UBE2L3: variants seen among roughly 807,000 people sequenced by gnomAD.
The protein encoded by UBE2L3 is ubiquitin conjugating enzyme E2 L3.
Under a neutral mutation model 17.8 loss-of-function variants are expected in UBE2L3, and 1 was observed. That is an observed-to-expected ratio of 0.06 (90% CI 0.02 to 0.27). UBE2L3 has a LOEUF of 0.27. Among genes scored for constraint, UBE2L3 ranks in the 10% least tolerant of loss-of-function variants. UBE2L3 has a pLI of 1.00. For missense variants in UBE2L3, 40 were observed against 192.6 expected (o/e 0.21, Z 4.69); for synonymous variants, 44 against 68.5 (o/e 0.64, Z 1.76).
chr22:21,607,131 C>T lies in UBE2L3; in HGVS notation c.124-3726C>T, dbSNP rs535233598. On this transcript the variant is annotated intron_variant, in intron 2 of 3. Transcript: ENST00000342192. The stretch of plus-strand genomic sequence containing the variant: ...AGAACTGGCGCACGCCAGCCTTGCT[C>T]CCCAGCAGAGGAGCTCTGTTTACTG... Among the ~76,000 whole-genome samples the T allele has an allele frequency of 1.1e-4, 17 of 152,278 alleles. No homozygotes were observed. The South Asian group carries it at 2.7e-3, about 24-fold the overall frequency.
At chr22:21,609,484 A>ATCTC (rs960949656) in intron 2 of UBE2L3, among the ~76,000 whole-genome samples, 55 of 152,268 alleles carry the variant, frequency 3.6e-4, no homozygotes, top group Middle Eastern at 3.4e-3. Flanking sequence ...AGACAGGCAG[A>ATCTC]TCTCTTGAGC....
chr22:21,567,011 G>C (rs1926662957), upstream of UBE2L3, among the ~76,000 whole-genome samples: 1 of 152,168 alleles, frequency 6.6e-6, no homozygotes, highest in Non-Finnish European at 1.5e-5. Flanking sequence ...AAGGGTTAAA[G>C]AAAATAAAGC....
chr22:21,559,399 A>G (rs926036061), intron 1 of UBE2L3, among the ~76,000 whole-genome samples: 2 of 150,888 alleles, frequency 1.3e-5, no homozygotes, highest in Non-Finnish European at 2.9e-5. Context: ...AAAGTGATGG[A>G]TTACATGAAT....
chr22:21,563,556 G>A (rs868010691), upstream of UBE2L3, among the ~76,000 whole-genome samples: 4 of 137,446 alleles, frequency 2.9e-5, no homozygotes, highest in Non-Finnish European at 4.6e-5. Flanking sequence ...GCGAGACTCC[G>A]TCTCAAAAAA....
In UBE2L3 at chr22:21,572,968, C is replaced by T. The variant is rs545439736; in HGVS notation, c.27+5197C>T. Among the ~76,000 whole-genome samples the T allele has an allele frequency of 3.3e-5, 5 of 152,282 alleles. No homozygotes were observed. In the South Asian group the frequency reaches 1.0e-3, roughly 32 times the overall value. Reference sequence around the variant, plus strand: ...TATGCCTTCAGTCTCTCTTCTCTGCCTGTCTTCTCTCCATCCCCACTCCCA... The same window carrying T: ...TATGCCTTCAGTCTCTCTTCTCTGCTTGTCTTCTCTCCATCCCCACTCCCA... On this transcript the variant is annotated intron_variant, in intron 1 of 3. Transcript: ENST00000342192.
chr22:21,573,143 A>G (rs1289822645), intron 1 of UBE2L3, among the ~76,000 whole-genome samples: 1 of 152,104 alleles, frequency 6.6e-6, no homozygotes, highest in Admixed American at 6.6e-5. Flanking sequence ...GCAGTGCATC[A>G]GAGTAGTGTA....
chr22:21,571,801 G>A lies in UBE2L3; in HGVS notation c.27+4030G>A, dbSNP rs138458739. On this transcript the variant is annotated intron_variant, in intron 1 of 3. Transcript: ENST00000342192. ...GAACCTCTAAAAGTTCATTCCTTGG[G>A]TTTCGTTGTATTAAGCAGTGAGGTA... Among the ~76,000 whole-genome samples, 303 of 152,260 alleles carry A rather than the reference G, an allele frequency of 2.0e-3. 4 individuals are homozygous for A. Among genetic ancestry groups the A allele is most frequent in the Non-Finnish European group, 2.0e-3 (136 of 68,032 alleles).
chr22:21,582,359 GT>G (rs767688991), intron 1 of UBE2L3, among the ~76,000 whole-genome samples: 61 of 138,480 alleles, frequency 4.4e-4, no homozygotes, highest in East Asian at 4.2e-4. Context: ...TTTTGTTGTT[GT>G]TTTTTTTTTT....
intron 1 of UBE2L3, among the ~76,000 whole-genome samples, chr22:21,572,838 A>C (rs1050160278): frequency 6.6e-5 from 10 of 151,988 alleles, no homozygotes; most frequent in African/African-American, 2.4e-4. Flanking sequence ...GTCCCACCTT[A>C]GTTAATGGTT....
rs759856995 is a variant in UBE2L3 at position 21,592,993 on chromosome 22, T to G, written c.123+37T>G. 6.4e-6 allele frequency: 10 copies of G among 1,573,146 alleles called. No individual in the cohort carries two copies. The East Asian group carries it at 1.1e-4, about 18-fold the overall frequency. Reference sequence around the variant, plus strand: ...ACACTTCCACTTCCTACCAGATTATTCTTTAAGGTGATGTGTGTGCTGTTG... The same window carrying G: ...ACACTTCCACTTCCTACCAGATTATGCTTTAAGGTGATGTGTGTGCTGTTG... On this transcript the variant is annotated intron_variant, in intron 2 of 3. Transcript: ENST00000342192.
chr22:21,587,353 C>G (rs1473717815), intron 1 of UBE2L3, among the ~76,000 whole-genome samples: 1 of 151,752 alleles, frequency 6.6e-6, no homozygotes, highest in Non-Finnish European at 1.5e-5. Context: ...ACCATGTCCA[C>G]CTAATTTTTG....
In UBE2L3 at chr22:21,576,122, T is replaced by C. The variant is rs547417671; in HGVS notation, c.27+8351T>C. 3.4e-3 allele frequency among the ~76,000 whole-genome samples: 508 copies of C among 150,012 alleles called. 6 individuals carry two copies. The highest frequency in any genetic ancestry group is 0.011 in the African/African-American group (457 of 40,758). ...GAGGTTTGAAAGCAACTTTTTTTTT[T>C]TTTTTTTTTTGAGGCGGAGTCTCGC... is the stretch of plus-strand genomic sequence containing the variant. On this transcript the variant is annotated intron_variant, in intron 1 of 3. Transcript: ENST00000342192.
chr22:21,575,674 A>C (rs1927246917), intron 1 of UBE2L3, among the ~76,000 whole-genome samples: 1 of 91,154 alleles, frequency 1.1e-5, no homozygotes, highest in Admixed American at 1.7e-4. Flanking sequence ...ACGGAGTCTC[A>C]CTCTGTCACC....
chr22:21,587,294 T>C (rs996311904), intron 1 of UBE2L3, among the ~76,000 whole-genome samples: 2 of 150,280 alleles, frequency 1.3e-5, no homozygotes, highest in African/African-American at 4.9e-5. Context: ...TGGTTCAAGC[T>C]ATTCTCCTGC....
chr22:21,567,708 C>T (rs1926704052), upstream of UBE2L3: 2 of 1,569,948 alleles, frequency 1.3e-6, no homozygotes, highest in Non-Finnish European at 8.6e-7. Context: ...CGGCCGGCCG[C>T]GATGCATTCT....
chr22:21,600,359 A>G (rs896157461), intron 2 of UBE2L3, among the ~76,000 whole-genome samples: 2 of 151,316 alleles, frequency 1.3e-5, no homozygotes, highest in Non-Finnish European at 2.9e-5. Flanking sequence ...TATTCCTACT[A>G]TTTACTTCCA....
intron 1 of UBE2L3, 76 bp downstream of exon 1, chr22:21,567,847 T>A: frequency 6.4e-7 from 1 of 1,551,576 alleles, no homozygotes; most frequent in Non-Finnish European, 8.7e-7. Context: ...AGGCGGCGGC[T>A]TCTCAGGGCG....
chr22:21,576,756 G>T (rs892571711), intron 1 of UBE2L3, among the ~76,000 whole-genome samples: 8 of 149,936 alleles, frequency 5.3e-5, no homozygotes, highest in African/African-American at 2.0e-4. Flanking sequence ...TGATTGAGAA[G>T]TTGAGGTCTC....
intron 1 of UBE2L3, among the ~76,000 whole-genome samples, chr22:21,558,071 C>T (rs143617189): frequency 6.6e-6 from 1 of 151,012 alleles, no homozygotes; most frequent in African/African-American, 2.4e-5. Flanking sequence ...TTCCACTTTC[C>T]CTCTCTCTAC....
Sources: allele counts gnomAD v4.1 joint callset (sites outside exome capture counted in the v4.1 genomes callset), GRCh38; gene constraint gnomAD v4.1.1; transcripts MANE v1.5; gene names NCBI Gene and HGNC (gene_info 2026-07-23, HGNC 2026-07-21).